Variants in KEAP1 observed in about 807,000 individuals in gnomAD.
KEAP1 encodes the protein kelch like ECH associated protein 1, also known as kelch-like ECH-associated protein 1.
KEAP1 carries 26 observed loss-of-function variants against 59.7 expected under a neutral mutation model. The observed-to-expected ratio is 0.44, with a 90% confidence interval of 0.32 to 0.60. The LOEUF (loss-of-function observed/expected upper bound fraction) is 0.60. Ranked by LOEUF, KEAP1 falls within the 20% of genes least tolerant of loss-of-function variation. The probability of loss-of-function intolerance (pLI) is 0.06; values close to 1 mark genes in which losing one functional copy is unlikely to be tolerated. For missense variants in KEAP1, 539 were observed against 871.4 expected (o/e 0.62, Z 4.80); for synonymous variants, 350 against 358.3 (o/e 0.98, Z 0.26).
In KEAP1 at chr19:10,486,491, G is replaced by T; in HGVS notation, c.*161C>A. 2.7e-6 allele frequency: 2 copies of T among 745,604 alleles called. No individual in the cohort carries two copies. Among genetic ancestry groups the T allele is most frequent in the Non-Finnish European group, 4.5e-6 (2 of 444,394 alleles). 46.2% of individuals were successfully genotyped at this position (745,604 alleles called of 1,614,324 possible). A position where few individuals can be genotyped will look rare whatever the true frequency, so the allele number is the denominator to read the frequency against. On this transcript the variant is annotated 3_prime_UTR_variant, in exon 6 of 6. Transcript: ENST00000171111. ...CTGAGGGGCACATGATTCCCGCTTT[G>T]GACTTCTTTTGAGATGTCATTTTAA...
intron 3 of KEAP1, 31 bp from the exon 4 acceptor site, chr19:10,489,884 G>C (rs2144591701): frequency 6.3e-7 from 1 of 1,590,302 alleles, no homozygotes; most frequent in South Asian, 1.1e-5. Flanking sequence ...TGGGGACAAT[G>C]GCCATTATAG....
chr19:10,486,858 C>G (rs771690707), intron 5 of KEAP1, 40 bp from the exon 6 acceptor site: 1 of 1,587,878 alleles, frequency 6.3e-7, no homozygotes, highest in Non-Finnish European at 8.6e-7. Context: ...ACCTGTCACA[C>G]CACATCCAAG....
rs752336790 is a variant in KEAP1, at chr19:10,499,701, G to A, written c.333C>T (p.Phe111=). The stretch of plus-strand genomic sequence containing the variant: ...TGCCCTGCTCCCGCAGCCCGTTGGT[G>A]AACATGGCCTTGAAGACAGGGCTGG... ...ASSSPVFKAM[F]TNGLREQGME... Residue 111 remains phenylalanine, a synonymous_variant, in exon 2 of 6, where the codon TTC becomes TTT. Transcript: ENST00000171111. The surrounding 1 kb of genome is among the most constrained non-coding windows in gnomAD (Gnocchi z 6.7). 3 of 1,614,206 alleles carry A rather than the reference G, an allele frequency of 1.9e-6. No homozygotes were observed. The highest frequency in any genetic ancestry group is 1.7e-6 in the Non-Finnish European group (2 of 1,180,056).
At chr19:10,487,586 G>A (rs1181211343) in intron 5 of KEAP1, among the ~76,000 whole-genome samples, 2 of 152,058 alleles carry the variant, frequency 1.3e-5, no homozygotes, top group Non-Finnish European at 2.9e-5. Context: ...AACCCGGGAG[G>A]CGGAGGTTGC....
intron 5 of KEAP1, 76 bp downstream of exon 5, chr19:10,489,116 A>AG: frequency 8.8e-7 from 1 of 1,138,758 alleles, no homozygotes; most frequent in Non-Finnish European, 1.2e-6. Flanking sequence ...AAAAAAAAAA[A>AG]AAAAGGAAAG....
In KEAP1 at chr19:10,498,907, C is replaced by T. The variant is rs1914944763; in HGVS notation, c.639+488G>A. Among the ~76,000 whole-genome samples, 2 of 151,858 alleles carry T rather than the reference C, an allele frequency of 1.3e-5. 1 individual carries two copies. Among genetic ancestry groups the T allele is most frequent in the Admixed American group, 1.3e-4 (2 of 15,214 alleles). On this transcript the variant is annotated intron_variant, in intron 2 of 5. Transcript: ENST00000171111. ...CTGGAGTGCAGTGGCTCGATCTCCA[C>T]TCACTGCAACCTCCACCTCTTGGTT...
chr19:10,490,052 G>A (rs938674485), intron 3 of KEAP1, among the ~76,000 whole-genome samples, 199 bp from the exon 4 acceptor site: 2 of 151,962 alleles, frequency 1.3e-5, no homozygotes, highest in African/African-American at 4.8e-5. Context: ...AGGAGTTTGA[G>A]ACCAGCCTGG....
chr19:10,494,362 G>A (rs1481546813), intron 2 of KEAP1, among the ~76,000 whole-genome samples: 2 of 127,878 alleles, frequency 1.6e-5, no homozygotes, highest in Admixed American at 9.6e-5. Flanking sequence ...ATGGAGTCTC[G>A]CTCTGTCGCC....
At chr19:10,489,060 A>G (rs1914573488) in intron 5 of KEAP1, 132 bp downstream of exon 5, 1 of 753,540 alleles carries the variant, frequency 1.3e-6, no homozygotes, top group Non-Finnish European at 2.0e-6. Context: ...ACACCACTGC[A>G]CTCCAGCTGG....
chr19:10,491,978 G>T lies in KEAP1; in HGVS notation c.924C>A (p.Leu308=), dbSNP rs756659553. ...TCACCTGCGTGGGCTTGTGCAGGGT[G>T]AGCTCCTCGAAGATCTTGACCAGGT... ...KDYLVKIFEE[L]TLHKPTQVMP... The change falls in exon 3 of 6, where the codon CTC becomes CTA. Residue 308 remains leucine (L), a synonymous_variant. Transcript: ENST00000171111. This position sits in a 1 kb window ranked among gnomAD's most constrained non-coding sequence, Gnocchi z 5.2. 9.5e-5 allele frequency: 153 copies of T among 1,613,938 alleles called. No individual in the cohort carries two copies. Among genetic ancestry groups the T allele is most frequent in the Non-Finnish European group, 1.3e-4 (148 of 1,180,036 alleles).
At position 10,491,874 on chromosome 19, in the gene KEAP1, T is replaced by C; in HGVS notation, c.1028A>G (p.Glu343Gly). 1 of 1,613,018 alleles carries C rather than the reference T, an allele frequency of 6.2e-7. No homozygotes were observed. Among genetic ancestry groups the C allele is most frequent in the Non-Finnish European group, 8.5e-7 (1 of 1,179,676 alleles). The change falls in exon 3 of 6, where the codon GAG (glutamate) becomes GGG (glycine). Residue 343 changes from glutamate to glycine, a missense_variant. Physicochemically the swap from Glu to Gly is moderately conservative, Grantham distance 98. Transcript: ENST00000171111. The surrounding 1 kb of genome is among the most constrained non-coding windows in gnomAD (Gnocchi z 5.2). ...GGTGCCGTCACTGGGGTTGTAAGCC[T>C]CCAGGTAGCTGAGCGACTGTCGGAA... is the stretch of plus-strand genomic sequence containing the variant. ...GYFRQSLSYL[E>G]AYNPSDGTWL...
intron 1 of KEAP1, among the ~76,000 whole-genome samples, chr19:10,500,656 G>A (rs548987258): frequency 1.3e-5 from 2 of 150,868 alleles, no homozygotes; most frequent in South Asian, 4.2e-4. Context: ...TTGTGACAAC[G>A]TGAGAATCGG....
chr19:10,501,105 A>G (rs1208452771), intron 1 of KEAP1, among the ~76,000 whole-genome samples: 1 of 152,204 alleles, frequency 6.6e-6, no homozygotes, highest in Non-Finnish European at 1.5e-5. Context: ...CAGAGGAAAC[A>G]GTAAGTGCAG....
In KEAP1 at chr19:10,499,339, T is replaced by C. The variant is rs1914957611; in HGVS notation, c.639+56A>G. 7.0e-7 allele frequency: 1 copy of C among 1,422,148 alleles called. No homozygotes were observed. The highest frequency in any genetic ancestry group is 1.4e-5 in the African/African-American group (1 of 71,218). The allele number at this position is 1,422,148 out of a possible 1,614,324, so 88.1% of individuals were successfully genotyped here. On this transcript the variant is annotated intron_variant, in intron 2 of 5. Transcript: ENST00000171111. This position sits in a 1 kb window ranked among gnomAD's most constrained non-coding sequence, Gnocchi z 6.7. ...CTCAAGGGGAGACAGTGATGAGCAC[T>C]CGTCCATCCCTGGTCCTTCTCCTGA...
At chr19:10,496,783 T>C (rs753780555) in intron 2 of KEAP1, among the ~76,000 whole-genome samples, 53 of 147,978 alleles carry the variant, frequency 3.6e-4, no homozygotes, top group Non-Finnish European at 6.3e-4. Context: ...GCCTGGGCGA[T>C]AGAGCCAGAC....
At position 10,486,394 on chromosome 19, in the gene KEAP1, T is replaced by C; in HGVS notation, c.*258A>G. 1 of 407,164 alleles carries C rather than the reference T, an allele frequency of 2.5e-6. No homozygotes were observed. The highest frequency in any genetic ancestry group is 4.4e-6 in the Non-Finnish European group (1 of 225,746). 25.2% of individuals were successfully genotyped at this position (407,164 alleles called of 1,614,324 possible). On this transcript the variant is annotated 3_prime_UTR_variant, in exon 6 of 6. Transcript: ENST00000171111. ...TACCCGGCCAGAGGGTTTGGGGGCC[T>C]CTCTCCTGGAAGCCTGCTCTTTCCA... is the stretch of plus-strand genomic sequence containing the variant.
rs1914475580 is a variant in KEAP1, at chr19:10,486,789, T to C, written c.1738A>G (p.Ser580Gly). 1 of 1,613,794 alleles carries C rather than the reference T, an allele frequency of 6.2e-7. No homozygotes were observed. The highest frequency in any genetic ancestry group is 1.3e-5 in the African/African-American group (1 of 74,894). Residue 580 changes from serine to glycine, a missense_variant, in exon 6 of 6, where the codon AGT becomes GGT. This residue lies in a region of KEAP1 where 311 missense variants were observed against 425.2 expected (regional missense o/e 0.73). Transcript: ENST00000171111. ...GTATCTGGGTCGTAACACTCCACAC[T>C]GTCCAGGAACGTGTGACCATCATAG... is the stretch of plus-strand genomic sequence containing the variant. The part of the protein sequence containing the change: ...GGYDGHTFLD[S>G]VECYDPDTDT...
chr19:10,498,413 G>C (rs1914929703), intron 2 of KEAP1, among the ~76,000 whole-genome samples: 1 of 151,892 alleles, frequency 6.6e-6, no homozygotes, highest in Non-Finnish European at 1.5e-5. Flanking sequence ...CACCATATTG[G>C]TCAGGCTGGT....
rs1016706577 is a variant in KEAP1 at position 10,499,320 on chromosome 19, G to A, written c.639+75C>T. 4.6e-6 allele frequency: 6 copies of A among 1,314,778 alleles called. No homozygotes were observed. Among genetic ancestry groups the A allele is most frequent in the African/African-American group, 4.4e-5 (3 of 68,854 alleles). The allele number at this position is 1,314,778 out of a possible 1,614,324, so 81.4% of individuals were successfully genotyped here. A position where few individuals can be genotyped will look rare whatever the true frequency, so the allele number is the denominator to read the frequency against. ...CAGTTTCCTGCCTTGACATCTCAAG[G>A]GGAGACAGTGATGAGCACTCGTCCA... On this transcript the variant is annotated intron_variant, in intron 2 of 5. Transcript: ENST00000171111. The surrounding 1 kb of genome is among the most constrained non-coding windows in gnomAD (Gnocchi z 6.7).
Sources: gnomAD v4.1 joint callset for allele counts (sites outside exome capture counted in the v4.1 genomes callset) on GRCh38, gnomAD v4.1.1 for gene constraint, gnomAD v4.1.1 regional missense constraint, Gnocchi (gnomAD v3.1) non-coding constraint, MANE v1.5 for transcripts, NCBI Gene and HGNC (gene_info 2026-07-23, HGNC 2026-07-21) for gene names.